ID1: variants seen among roughly 807,000 people sequenced by gnomAD.
The protein encoded by ID1 is inhibitor of DNA binding 1, also known as DNA-binding protein inhibitor ID-1.
ID1 carries 8 observed loss-of-function variants against 11.3 expected under a neutral mutation model. That is an observed-to-expected ratio of 0.71 (90% CI 0.42 to 1.28). The LOEUF (loss-of-function observed/expected upper bound fraction) is 1.28, where lower values mean the gene tolerates loss of function less well. Ranked by LOEUF, ID1 falls within the 50% of genes most tolerant of loss-of-function variation. ID1 has a pLI of 0.01. For missense variants in ID1, 347 were observed against 219.8 expected, an observed-to-expected ratio of 1.58 and a Z score of -3.66; for synonymous variants, 176 against 100.2, an observed-to-expected ratio of 1.76 and a Z score of -4.52.
intron 1 of ID1, 99 bp downstream of exon 1, chr20:31,605,912 CG>C (rs1299567411): frequency 4.4e-6 from 7 of 1,581,336 alleles, no homozygotes; most frequent in Admixed American, 3.6e-5. Flanking sequence ...CCCATCCTTG[CG>C]GGTACCTGGC....
At position 31,605,486 on chromosome 20, in the gene ID1, C is replaced by T. The variant is rs1986057090; in HGVS notation, c.99C>T (p.Arg33=). 3 of 1,605,532 alleles carry T rather than the reference C, an allele frequency of 1.9e-6. No individual in the cohort carries two copies. Among genetic ancestry groups the T allele is most frequent in the Non-Finnish European group, 1.7e-6 (2 of 1,175,816 alleles). Residue 33 remains arginine (R), a synonymous_variant, in exon 1 of 2, where the codon CGC becomes CGT. Coordinates refer to ENST00000376112, the MANE Select transcript of ID1 (RefSeq NM_002165.4). ...KTASGAGEVV[R]CLSEQSVAIS... ...CGAGCGGTGCGGGCGAGGTGGTGCG[C>T]TGTCTGTCTGAGCAGAGCGTGGCCA...
rs540553383 is a variant in ID1, at chr20:31,605,908, C to T, written c.426+95C>T. 5.1e-6 allele frequency: 8 copies of T among 1,582,314 alleles called. No individual in the cohort carries two copies. In the Admixed American group the frequency reaches 8.9e-5, roughly 18 times the overall value. On this transcript the variant is annotated intron_variant, in intron 1 of 1. Transcript: ENST00000376112. The stretch of plus-strand genomic sequence containing the variant: ...GCGCTTGCACCACTTCCGTCCCATC[C>T]TTGCGGGTACCTGGCTATGCGGGGG...
rs1323612212 is a variant in ID1 at position 31,605,562 on chromosome 20, G to A, written c.175G>A (p.Glu59Lys). 16 of 1,558,396 alleles carry A rather than the reference G, an allele frequency of 1.0e-5. No individual in the cohort carries two copies. The highest frequency in any genetic ancestry group is 1.1e-5 in the Non-Finnish European group (13 of 1,149,798). ...AGARLPALLD[E>K]QQVNVLLYDM... ...GGCGCGCCTGCCTGCCCTGCTGGAC[G>A]AGCAGCAGGTAAACGTGCTGCTCTA... Residue 59 changes from glutamate (E) to lysine (K), a missense_variant, in exon 1 of 2, where the codon GAG (glutamate) becomes AAG (lysine). Coordinates refer to ENST00000376112, the MANE Select transcript of ID1 (RefSeq NM_002165.4).
chr20:31,605,656 GCAAGGTGGA>G lies in ID1; in HGVS notation c.270_278del (p.Ser90_Glu93delinsArg). On this transcript the variant is annotated inframe_deletion, in exon 1 of 2. Transcript: ENST00000376112. ...ACCCTGCCCCAGAACCGCAAGGTGA[GCAAGGTGGA>G]GATTCTCCAGCACGTCATCGACTAC... 6.2e-7 allele frequency: 1 copy of G among 1,607,006 alleles called. No individual in the cohort carries two copies. Among genetic ancestry groups the G allele is most frequent in the Non-Finnish European group, 8.5e-7 (1 of 1,176,786 alleles).
Position 31,606,198 on chromosome 20 carries a change from A to C in ID1, c.*104A>C. 1 of 1,233,054 alleles carries C rather than the reference A, an allele frequency of 8.1e-7. No individual in the cohort carries two copies. Among genetic ancestry groups the C allele is most frequent in the Non-Finnish European group, 1.2e-6 (1 of 851,894 alleles). The allele number at this position is 1,233,054 out of a possible 1,614,324, so 76.4% of individuals were successfully genotyped here. A position where few individuals can be genotyped will look rare whatever the true frequency, so the allele number is the denominator to read the frequency against. ...CGCGCCTCGCCGGATCTGAGGGAGAACAAGACCGATCGGCGGCCACTGCGC... is the reference window on the plus strand; with the variant it reads ...CGCGCCTCGCCGGATCTGAGGGAGACCAAGACCGATCGGCGGCCACTGCGC... On this transcript the variant is annotated 3_prime_UTR_variant, in exon 2 of 2. Coordinates refer to ENST00000376112, the MANE Select transcript of ID1 (RefSeq NM_002165.4).
In ID1 at chr20:31,606,045, T is replaced by C; in HGVS notation, c.427-8T>C. On this transcript the variant is annotated splice_polypyrimidine_tract_variant and splice_region_variant and intron_variant, in intron 1 of 1. Transcript: ENST00000376112. ...ACCCGCCGGTCTCATTTCTTCTCGT[T>C]TTCACAGGCGGCATGCGTTCCTGCG... 6.2e-7 allele frequency: 1 copy of C among 1,612,284 alleles called. No individual in the cohort carries two copies. The highest frequency in any genetic ancestry group is 8.5e-7 in the Non-Finnish European group (1 of 1,180,020).
Position 31,605,875 on chromosome 20 carries a change from G to A in ID1, c.426+62G>A, listed in dbSNP as rs763947643. 24 of 1,589,404 alleles carry A rather than the reference G, an allele frequency of 1.5e-5. 1 individual carries two copies. The Admixed American group carries it at 3.3e-4, about 22-fold the overall frequency. On this transcript the variant is annotated intron_variant, in intron 1 of 1. Coordinates refer to ENST00000376112, the MANE Select transcript of ID1 (RefSeq NM_002165.4). ...CCGACGGGGAAACGGAGGCCAGAGAGGGCGTGGGCGCTTGCACCACTTCCG... is the reference window on the plus strand; with the variant it reads ...CCGACGGGGAAACGGAGGCCAGAGAAGGCGTGGGCGCTTGCACCACTTCCG...
intron 1 of ID1, 83 bp downstream of exon 1, chr20:31,605,896 T>C (rs1568819848): frequency 1.5e-5 from 24 of 1,584,266 alleles, no homozygotes; most frequent in Non-Finnish European, 1.5e-5. Flanking sequence ...CTTGCACCAC[T>C]TCCGTCCCAT....
rs1466060334 is a variant in ID1 at position 31,606,056 on chromosome 20, G to C, written c.430G>C (p.Ala144Pro). The change falls in exon 2 of 2, where the codon GCA becomes CCA. Residue 144 changes from alanine to proline, a missense_variant. Ala to Pro is a conservative substitution (Grantham distance 27, BLOSUM62 -1). Transcript: ENST00000376112. ...GEISALTAEA[A>P]CVPADDRILC... ...TCATTTCTTCTCGTTTTCACAGGCG[G>C]CATGCGTTCCTGCGGACGATCGCAT... 2.5e-6 allele frequency: 4 copies of C among 1,611,030 alleles called. No individual in the cohort carries two copies. The highest frequency in any genetic ancestry group is 3.4e-6 in the Non-Finnish European group (4 of 1,180,010).
intron 1 of ID1, 91 bp downstream of exon 1, chr20:31,605,904 C>A: frequency 6.3e-7 from 1 of 1,582,922 alleles, no homozygotes; most frequent in African/African-American, 1.3e-5. Context: ...ACTTCCGTCC[C>A]ATCCTTGCGG....
chr20:31,605,622 C>CTGGT lies in ID1; in HGVS notation c.236_239dup (p.Pro81GlyfsTer151). The CTGGT allele has an allele frequency of 6.3e-7, 1 of 1,587,282 alleles. No individual in the cohort carries two copies. The highest frequency in any genetic ancestry group is 8.6e-7 in the Non-Finnish European group (1 of 1,167,322). On this transcript the variant is annotated frameshift_variant, in exon 1 of 2. Transcript: ENST00000376112. LOFTEE classifies it high-confidence loss of function. Reference sequence around the variant, plus strand: ...CGGCTGTTACTCACGCCTCAAGGAGCTGGTGCCCACCCTGCCCCAGAACCG... The same window carrying CTGGT: ...CGGCTGTTACTCACGCCTCAAGGAGCTGGTTGGTGCCCACCCTGCCCCAGAACCG...
In ID1 at chr20:31,605,360, A is replaced by AT. The variant is rs776462928; in HGVS notation, c.-26dup. The AT allele has an allele frequency of 9.5e-6, 15 of 1,583,520 alleles. No homozygotes were observed. The East Asian group carries it at 2.9e-4, about 31-fold the overall frequency. Reference sequence around the variant, plus strand: ...CCACCTCATTTTTTTCGCTTTGCCCATTCTGTTTCAGCCAGTCGCCAAGAA... The same window carrying AT: ...CCACCTCATTTTTTTCGCTTTGCCCATTTCTGTTTCAGCCAGTCGCCAAGAA... On this transcript the variant is annotated 5_prime_UTR_variant, in exon 1 of 2. Coordinates refer to ENST00000376112, the MANE Select transcript of ID1 (RefSeq NM_002165.4).
Position 31,606,154 on chromosome 20 carries a change from C to G in ID1, c.*60C>G. On this transcript the variant is annotated 3_prime_UTR_variant, in exon 2 of 2. Coordinates refer to ENST00000376112, the MANE Select transcript of ID1 (RefSeq NM_002165.4). ...TCCAGGGGGCAAGAGGAATTACGTG[C>G]TCTGTGGGTCTCCCCCAACGCGCCT... 2.6e-6 allele frequency: 4 copies of G among 1,522,708 alleles called. No individual in the cohort carries two copies. The East Asian group carries it at 9.0e-5, about 34-fold the overall frequency. The allele number at this position is 1,522,708 out of a possible 1,614,324, so 94.3% of individuals were successfully genotyped here.
Position 31,605,743 on chromosome 20 carries a change from G to T in ID1, c.356G>T (p.Gly119Val), listed in dbSNP as rs774109672. The T allele has an allele frequency of 3.1e-6, 5 of 1,610,580 alleles. No homozygotes were observed. In the African/African-American group the frequency reaches 5.3e-5, roughly 17 times the overall value. Reference protein sequence around the residue: ...LNSESEVGTPGGRGLPVRAPL... With the variant: ...LNSESEVGTPVGRGLPVRAPL... ...TCGGAATCCGAAGTTGGAACCCCCG[G>T]GGGCCGAGGGCTGCCGGTCCGGGCT... is the stretch of plus-strand genomic sequence containing the variant. The change falls in exon 1 of 2, where the codon GGG (glycine) becomes GTG (valine). Residue 119 changes from glycine to valine, a missense_variant. Physicochemically the swap from Gly to Val is moderately radical, Grantham distance 109. Transcript: ENST00000376112.
At position 31,605,759 on chromosome 20, in the gene ID1, G is replaced by T. The variant is rs752043664; in HGVS notation, c.372G>T (p.Pro124=). 1.2e-6 allele frequency: 2 copies of T among 1,610,312 alleles called. No individual in the cohort carries two copies. Among genetic ancestry groups the T allele is most frequent in the South Asian group, 1.1e-5 (1 of 90,526 alleles). Residue 124 remains proline, a synonymous_variant, in exon 1 of 2, where the codon CCG becomes CCT. Coordinates refer to ENST00000376112, the MANE Select transcript of ID1 (RefSeq NM_002165.4). ...EVGTPGGRGL[P]VRAPLSTLNG... is the part of the protein sequence containing the mutation. ...GAACCCCCGGGGGCCGAGGGCTGCCGGTCCGGGCTCCGCTCAGCACCCTCA... is the reference window on the plus strand; with the variant it reads ...GAACCCCCGGGGGCCGAGGGCTGCCTGTCCGGGCTCCGCTCAGCACCCTCA...
Position 31,606,188 on chromosome 20 carries a change from C to T in ID1, c.*94C>T, listed in dbSNP as rs1049707. 2 of 1,329,190 alleles carry T rather than the reference C, an allele frequency of 1.5e-6. No homozygotes were observed. The highest frequency in any genetic ancestry group is 1.2e-5 in the South Asian group (1 of 82,474). The allele number at this position is 1,329,190 out of a possible 1,614,324, so 82.3% of individuals were successfully genotyped here. On this transcript the variant is annotated 3_prime_UTR_variant, in exon 2 of 2. Coordinates refer to ENST00000376112, the MANE Select transcript of ID1 (RefSeq NM_002165.4). ...TCTCCCCCAACGCGCCTCGCCGGATCTGAGGGAGAACAAGACCGATCGGCG... is the reference window on the plus strand; with the variant it reads ...TCTCCCCCAACGCGCCTCGCCGGATTTGAGGGAGAACAAGACCGATCGGCG...
Position 31,605,556 on chromosome 20 carries a change from C to T in ID1, c.169C>T (p.Leu57=). Reference sequence around the variant, plus strand: ...CGCCGGGGCGCGCCTGCCTGCCCTGCTGGACGAGCAGCAGGTAAACGTGCT... The same window carrying T: ...CGCCGGGGCGCGCCTGCCTGCCCTGTTGGACGAGCAGCAGGTAAACGTGCT... The part of the protein sequence containing the change: ...GGAGARLPAL[L]DEQQVNVLLY... The change falls in exon 1 of 2, where the codon CTG becomes TTG. Residue 57 remains leucine (L), a synonymous_variant. Transcript: ENST00000376112. The T allele has an allele frequency of 1.3e-6, 2 of 1,558,416 alleles. No homozygotes were observed. Among genetic ancestry groups the T allele is most frequent in the Non-Finnish European group, 8.7e-7 (1 of 1,149,566 alleles).
At position 31,606,119 on chromosome 20, in the gene ID1, A is replaced by G. The variant is rs1600701902; in HGVS notation, c.*25A>G. On this transcript the variant is annotated 3_prime_UTR_variant, in exon 2 of 2. Transcript: ENST00000376112. ...AAGCGCCTCCCCCAGGGACCGGCGG[A>G]CCCCAGCCATCCAGGGGGCAAGAGG... The G allele has an allele frequency of 6.2e-7, 1 of 1,604,356 alleles. No homozygotes were observed. Among genetic ancestry groups the G allele is most frequent in the East Asian group, 2.2e-5 (1 of 44,846 alleles).
rs1268785454 is a variant in ID1, at chr20:31,606,407, ATTGCT to A, written c.*317_*321del. The A allele has an allele frequency of 4.1e-6, 2 of 482,398 alleles. No individual in the cohort carries two copies. Among genetic ancestry groups the A allele is most frequent in the African/African-American group, 3.9e-5 (2 of 51,102 alleles). 29.9% of individuals were successfully genotyped at this position (482,398 alleles called of 1,614,324 possible). A position where few individuals can be genotyped will look rare whatever the true frequency, so the allele number is the denominator to read the frequency against. The stretch of plus-strand genomic sequence containing the variant: ...TGGTGCTTCTCAGATTTCTGAGGAA[ATTGCT>A]TTGTATTGTATATTACAATGATCAC... On this transcript the variant is annotated 3_prime_UTR_variant, in exon 2 of 2. Coordinates refer to ENST00000376112, the MANE Select transcript of ID1 (RefSeq NM_002165.4).
Sources: allele counts gnomAD v4.1 joint callset, GRCh38; gene constraint gnomAD v4.1.1; transcripts MANE v1.5; gene names NCBI Gene and HGNC (gene_info 2026-07-23, HGNC 2026-07-21).